Variants in CLSTN2 observed in about 807,000 individuals in gnomAD.
CLSTN2 encodes calsyntenin-2.
Under a neutral mutation model 101.2 loss-of-function variants are expected in CLSTN2, and 48 were observed. The observed-to-expected ratio is 0.47, with a 90% CI of 0.38 to 0.60. The LOEUF is 0.60. Ranked by LOEUF, CLSTN2 falls within the 20% of genes least tolerant of loss-of-function variation. The pLI, the probability that CLSTN2 is intolerant of heterozygous loss-of-function variation, is 0.00. For missense variants in CLSTN2, 1,160 were observed against 1,238.2 expected, an observed-to-expected ratio of 0.94 and a Z score of 0.95; for synonymous variants, 481 against 463.6, an observed-to-expected ratio of 1.04 and a Z score of -0.48.
At chr3:140,036,891 A>G (rs1190239910) in intron 1 of CLSTN2, among the ~76,000 whole-genome samples, 1 of 152,162 alleles carries the variant, frequency 6.6e-6, no homozygotes, top group Non-Finnish European at 1.5e-5. Flanking sequence ...GTATATACTA[A>G]ATGCTAGATG....
chr3:140,351,187 T>C (rs1341538885), intron 2 of CLSTN2, among the ~76,000 whole-genome samples: 2 of 152,084 alleles, frequency 1.3e-5, no homozygotes, highest in Admixed American at 6.6e-5. Context: ...TTTTCAAAAG[T>C]GTTTGTGTGT....
chr3:140,236,180 C>A (rs1226635111), intron 2 of CLSTN2, among the ~76,000 whole-genome samples: 1 of 152,114 alleles, frequency 6.6e-6, no homozygotes, highest in Non-Finnish European at 1.5e-5. Context: ...TACCAAATAC[C>A]TAAATATCAA....
intron 1 of CLSTN2, among the ~76,000 whole-genome samples, chr3:139,954,005 C>T (rs1935344068): frequency 6.7e-6 from 1 of 150,344 alleles, no homozygotes; most frequent in African/African-American, 2.4e-5. Context: ...TCAGGGGGAA[C>T]ATGTTGGGTT....
At chr3:140,095,134 G>A (rs2008847041) in intron 1 of CLSTN2, among the ~76,000 whole-genome samples, 1 of 152,150 alleles carries the variant, frequency 6.6e-6, no homozygotes, top group Admixed American at 6.5e-5. Flanking sequence ...ACCCCTTTCT[G>A]ATTAGTTCTG....
intron 2 of CLSTN2, among the ~76,000 whole-genome samples, chr3:140,219,846 A>G (rs1192894618): frequency 5.9e-5 from 9 of 152,196 alleles, no homozygotes. Flanking sequence ...CATCATCGCT[A>G]TCATACCTAC....
intron 2 of CLSTN2, among the ~76,000 whole-genome samples, chr3:140,204,861 G>T (rs9867592): frequency 1.3e-5 from 2 of 152,086 alleles, no homozygotes; most frequent in East Asian, 1.9e-4. Context: ...TGTCTGTCCC[G>T]CTGTCCCCCA....
intron 8 of CLSTN2, among the ~76,000 whole-genome samples, chr3:140,511,751 G>T (rs1342402315): frequency 4.0e-5 from 6 of 150,904 alleles, no homozygotes; most frequent in Admixed American, 6.6e-5. Flanking sequence ...TAGAGATGGG[G>T]TTTCACAATG....
chr3:140,498,882 TC>T (rs913378419), intron 8 of CLSTN2, among the ~76,000 whole-genome samples: 5 of 152,030 alleles, frequency 3.3e-5, no homozygotes, highest in African/African-American at 1.2e-4. Flanking sequence ...TCATTGGAAA[TC>T]CAAGATTGTA....
At chr3:140,133,271 GA>G (rs1387381467) in intron 1 of CLSTN2, among the ~76,000 whole-genome samples, 1 of 152,164 alleles carries the variant, frequency 6.6e-6, no homozygotes. Flanking sequence ...AGCCATTCGT[GA>G]GGGATCCGCC....
At chr3:140,415,157 C>A (rs921081313) in intron 4 of CLSTN2, among the ~76,000 whole-genome samples, 2 of 150,916 alleles carry the variant, frequency 1.3e-5, no homozygotes, top group Non-Finnish European at 3.0e-5. Flanking sequence ...AAAATTGGAC[C>A]CTTCTGTTAC....
chr3:140,253,323 G>T (rs771575649), intron 2 of CLSTN2, among the ~76,000 whole-genome samples: 19 of 152,182 alleles, frequency 1.2e-4, no homozygotes, highest in Non-Finnish European at 1.3e-4. Context: ...TGGCTCCGAA[G>T]GTGGACCACA....
intron 8 of CLSTN2, among the ~76,000 whole-genome samples, chr3:140,526,832 G>A (rs558141528): frequency 5.3e-5 from 8 of 152,200 alleles, no homozygotes; most frequent in Middle Eastern, 3.4e-3. Flanking sequence ...ATAAACAATG[G>A]AATAAGGACA....
intron 2 of CLSTN2, among the ~76,000 whole-genome samples, chr3:140,296,975 T>TGGATGGTC (rs1008344988): frequency 2.6e-5 from 4 of 152,216 alleles, no homozygotes; most frequent in Admixed American, 6.5e-5. Flanking sequence ...GGTGGATGGG[T>TGGATGGTC]GGATGGTCAG....
At chr3:140,288,076 T>G (rs1021996992) in intron 2 of CLSTN2, among the ~76,000 whole-genome samples, 1 of 145,518 alleles carries the variant, frequency 6.9e-6, no homozygotes, top group Non-Finnish European at 1.5e-5. Context: ...TCCTTCTTGA[T>G]AGATGACACG....
chr3:140,128,888 AG>A (rs558565300), intron 1 of CLSTN2, among the ~76,000 whole-genome samples: 192 of 152,256 alleles, frequency 1.3e-3, no homozygotes, highest in Non-Finnish European at 2.5e-3. Context: ...TGGCAGCAGA[AG>A]GGGGCAGAGC....
At chr3:140,299,197 G>A (rs921061748) in intron 2 of CLSTN2, among the ~76,000 whole-genome samples, 1 of 152,146 alleles carries the variant, frequency 6.6e-6, no homozygotes, top group Non-Finnish European at 1.5e-5. Context: ...AAATGAATGG[G>A]AACAGCCCTG....
intron 8 of CLSTN2, among the ~76,000 whole-genome samples, chr3:140,496,170 G>T (rs1333246153): frequency 6.6e-6 from 1 of 152,080 alleles, no homozygotes; most frequent in Non-Finnish European, 1.5e-5. Flanking sequence ...TCCTTGAAGA[G>T]GTCTTTCACT....
intron 1 of CLSTN2, among the ~76,000 whole-genome samples, chr3:140,056,061 G>T (rs762803441): frequency 6.6e-6 from 1 of 152,164 alleles, no homozygotes; most frequent in Non-Finnish European, 1.5e-5. Flanking sequence ...GGGAGAGGGG[G>T]CCTACTCTGG....
At chr3:140,118,522 C>T (rs2009282925) in intron 1 of CLSTN2, among the ~76,000 whole-genome samples, 1 of 152,146 alleles carries the variant, frequency 6.6e-6, no homozygotes, top group Non-Finnish European at 1.5e-5. Flanking sequence ...TTTTCTTTCA[C>T]TGTCGACAGT....
Sources: allele counts gnomAD v4.1 joint callset (sites outside exome capture counted in the v4.1 genomes callset), GRCh38; gene constraint gnomAD v4.1.1; transcripts MANE v1.5; gene names NCBI Gene and HGNC (gene_info 2026-07-23, HGNC 2026-07-21).